Variants in COL23A1 observed in about 807,000 individuals in gnomAD.
The protein encoded by COL23A1 is collagen alpha-1(XXIII) chain.
A neutral mutation model predicts 99.3 loss-of-function variants in COL23A1; 97 were observed. That is an observed-to-expected ratio of 0.98 (90% CI 0.83 to 1.16). The LOEUF (loss-of-function observed/expected upper bound fraction) is 1.16, where lower values mean the gene tolerates loss of function less well. COL23A1 is among the 50% of genes most tolerant of loss of function. COL23A1 has a pLI of 0.00. For synonymous variants in COL23A1, 320 were observed against 308.2 expected, an observed-to-expected ratio of 1.04 and a Z score of -0.40; for missense variants, 762 against 757.4, an observed-to-expected ratio of 1.01 and a Z score of -0.07.
At chr5:178,477,239 C>T (rs910418162) in intron 2 of COL23A1, among the ~76,000 whole-genome samples, 3 of 152,138 alleles carry the variant, frequency 2.0e-5, no homozygotes, top group African/African-American at 7.2e-5. Flanking sequence ...ATTCAGAAAA[C>T]AACGAAACCA....
intron 6 of COL23A1, among the ~76,000 whole-genome samples, chr5:178,269,460 C>T (rs1220205668): frequency 8.3e-6 from 1 of 120,752 alleles, no homozygotes; most frequent in Non-Finnish European, 1.7e-5. Context: ...TCCACCCATC[C>T]ATCCACCCAT....
intron 9 of COL23A1, among the ~76,000 whole-genome samples, 198 bp from the exon 10 acceptor site, chr5:178,262,450 C>T (rs1765684934): frequency 6.6e-6 from 1 of 152,124 alleles, no homozygotes; most frequent in Non-Finnish European, 1.5e-5. Context: ...CCCGGTGTGA[C>T]AAGTAATGGA....
At chr5:178,481,142 AAAAAAAAAG>A (rs1404224406) in intron 2 of COL23A1, among the ~76,000 whole-genome samples, 1 of 151,100 alleles carries the variant, frequency 6.6e-6, no homozygotes, top group Non-Finnish European at 1.5e-5. Flanking sequence ...AAAAAAAAAA[AAAAAAAAAG>A]AAAGAAAGAA....
At chr5:178,258,793 C>T (rs1307726894) in intron 12 of COL23A1, among the ~76,000 whole-genome samples, 3 of 152,066 alleles carry the variant, frequency 2.0e-5, no homozygotes, top group Non-Finnish European at 2.9e-5. Flanking sequence ...CTCCTGGGCT[C>T]AAGCGATCCT....
intron 2 of COL23A1, among the ~76,000 whole-genome samples, chr5:178,557,024 A>G (rs1762313130): frequency 6.6e-6 from 1 of 152,218 alleles, no homozygotes; most frequent in Non-Finnish European, 1.5e-5. Context: ...CGTGGCAAAA[A>G]ATTACCACAA....
At position 178,256,907 on chromosome 5, in the gene COL23A1, GC is replaced by G. The variant is rs1428480522; in HGVS notation, c.795del (p.Pro266LeufsTer43). The G allele has an allele frequency of 6.2e-7, 1 of 1,613,494 alleles. No individual in the cohort carries two copies. The highest frequency in any genetic ancestry group is 1.3e-5 in the African/African-American group (1 of 74,924). On this transcript the variant is annotated frameshift_variant, in exon 14 of 29. Coordinates refer to ENST00000390654, the MANE Select transcript of COL23A1 (RefSeq NM_173465.4). LOFTEE classifies it high-confidence loss of function. The stretch of plus-strand genomic sequence containing the variant: ...CCGTCCACACCGTTCTCTCCCCGAG[GC>G]CCCATGCTCCCTGGCTCGCCCTGAA... Reference protein sequence around the residue: ...PGPKGEPGSMGPRGENGVDGA... With the variant: ...PGPKGEPGSMXPRGENGVDGA...
In COL23A1 at chr5:178,590,373, A is replaced by T. The variant is rs1239353172; in HGVS notation, c.-176T>A. ...CCTTCGCCGCAGCCAGCTCCTCCAC[A>T]GCGGCCACTTTGGGCAGTTTCCTCT... On this transcript the variant is annotated 5_prime_UTR_variant, in exon 1 of 29. Coordinates refer to ENST00000390654, the MANE Select transcript of COL23A1 (RefSeq NM_173465.4). The surrounding 1 kb of genome is among the most constrained non-coding windows in gnomAD (Gnocchi z 5.7). The T allele has an allele frequency of 2.2e-6, 1 of 452,576 alleles. No homozygotes were observed. The highest frequency in any genetic ancestry group is 5.0e-5 in the East Asian group (1 of 20,044). 28.0% of individuals were successfully genotyped at this position (452,576 alleles called of 1,614,324 possible). A position where few individuals can be genotyped will look rare whatever the true frequency, so the allele number is the denominator to read the frequency against.
At chr5:178,334,314 C>T (rs944522242) in intron 2 of COL23A1, among the ~76,000 whole-genome samples, 9 of 152,238 alleles carry the variant, frequency 5.9e-5, no homozygotes, top group African/African-American at 1.7e-4. Context: ...AGTCTCATGA[C>T]GTGCCCAAAG....
At chr5:178,319,487 A>G (rs1482283266) in intron 2 of COL23A1, among the ~76,000 whole-genome samples, 1 of 151,790 alleles carries the variant, frequency 6.6e-6, no homozygotes, top group Non-Finnish European at 1.5e-5. Flanking sequence ...GCCCCACCCT[A>G]TCCTACTCAG....
chr5:178,311,420 A>C (rs1758661532), intron 2 of COL23A1, among the ~76,000 whole-genome samples: 1 of 152,040 alleles, frequency 6.6e-6, no homozygotes, highest in African/African-American at 2.4e-5. Flanking sequence ...CCCAAGAAAT[A>C]ACTGGCTGCA....
chr5:178,254,712 TG>T (rs1006791515), intron 16 of COL23A1, among the ~76,000 whole-genome samples: 1 of 152,142 alleles, frequency 6.6e-6, no homozygotes, highest in Non-Finnish European at 1.5e-5. Flanking sequence ...CTTCCCTTTT[TG>T]ACTTGGCCTC....
intron 2 of COL23A1, among the ~76,000 whole-genome samples, chr5:178,320,312 C>A (rs555243857): frequency 1.3e-5 from 2 of 152,290 alleles, no homozygotes; most frequent in South Asian, 2.1e-4. Context: ...GGTCCCCAGG[C>A]CGGAACAATG....
intron 9 of COL23A1, 28 bp downstream of exon 9, chr5:178,263,180 C>T (rs765850898): frequency 2.0e-5 from 31 of 1,529,884 alleles, no homozygotes; most frequent in Admixed American, 5.0e-5. Context: ...TCAAGTCCTG[C>T]GTGGCCCAAC....
chr5:178,441,738 G>T (rs1180691930), intron 2 of COL23A1, among the ~76,000 whole-genome samples: 1 of 152,114 alleles, frequency 6.6e-6, no homozygotes, highest in East Asian at 1.9e-4. Flanking sequence ...GATGACGCGG[G>T]GTGGGCAGAA....
chr5:178,545,245 T>C (rs1328554932), intron 2 of COL23A1, among the ~76,000 whole-genome samples: 4 of 152,182 alleles, frequency 2.6e-5, no homozygotes, highest in Non-Finnish European at 4.4e-5. Context: ...TGCCCTCCTC[T>C]TGAGCCCCCA....
chr5:178,242,432 C>G lies in COL23A1; in HGVS notation c.1441-38G>C, dbSNP rs775171831. On this transcript the variant is annotated intron_variant, in intron 25 of 28. Coordinates refer to ENST00000390654, the MANE Select transcript of COL23A1 (RefSeq NM_173465.4). The stretch of plus-strand genomic sequence containing the variant: ...TTAGATGCTAAACCCGAAAATGAGG[C>G]TGGAGGTTTGCCCCTCTGTTACCGG... The G allele has an allele frequency of 1.9e-6, 3 of 1,608,204 alleles. No individual in the cohort carries two copies. In the Admixed American group the frequency reaches 5.0e-5, roughly 27 times the overall value.
intron 2 of COL23A1, among the ~76,000 whole-genome samples, chr5:178,548,289 C>T (rs1432296973): frequency 6.6e-6 from 1 of 151,822 alleles, no homozygotes; most frequent in East Asian, 2.0e-4. Context: ...GCCATTTAAT[C>T]CAAGGGCTGA....
At chr5:178,507,634 T>C (rs569340647) in intron 2 of COL23A1, among the ~76,000 whole-genome samples, 2 of 152,356 alleles carry the variant, frequency 1.3e-5, no homozygotes, top group Admixed American at 6.5e-5. Flanking sequence ...CTCTCAGCGT[T>C]TGAAAACTTC....
At chr5:178,322,096 G>T (rs1051356967) in intron 2 of COL23A1, among the ~76,000 whole-genome samples, 1 of 151,282 alleles carries the variant, frequency 6.6e-6, no homozygotes, top group Non-Finnish European at 1.5e-5. Context: ...GAGTTCAAGC[G>T]ATTCTCCTGC....
Sources: allele counts gnomAD v4.1 joint callset (sites outside exome capture counted in the v4.1 genomes callset), GRCh38; gene constraint gnomAD v4.1.1; non-coding constraint Gnocchi (gnomAD v3.1); transcripts MANE v1.5; gene names NCBI Gene and HGNC (gene_info 2026-07-23, HGNC 2026-07-21).